UNC5D: variants seen among roughly 807,000 people sequenced by gnomAD.
UNC5D encodes netrin receptor UNC5D.
In UNC5D, 39 loss-of-function variants were observed where a neutral mutation model predicts 105.4. The observed-to-expected ratio is 0.37, with a 90% CI of 0.29 to 0.48. The LOEUF is 0.48. Ranked by LOEUF, UNC5D falls within the 20% of genes least tolerant of loss-of-function variation. The pLI, the probability that UNC5D is intolerant of heterozygous loss-of-function variation, is 0.98. For missense variants in UNC5D, 991 were observed against 1,202.4 expected (o/e 0.82, Z 2.60); for synonymous variants, 452 against 450.4 (o/e 1.00, Z -0.04).
chr8:35,669,343 G>A (rs768800625), intron 4 of UNC5D, among the ~76,000 whole-genome samples: 27 of 151,968 alleles, frequency 1.8e-4, no homozygotes, highest in Admixed American at 3.9e-4. Flanking sequence ...TGCTCTTTGT[G>A]TATTAGGGAC....
intron 1 of UNC5D, among the ~76,000 whole-genome samples, chr8:35,454,510 C>A (rs1311216033): frequency 1.3e-5 from 2 of 152,140 alleles, no homozygotes; most frequent in African/African-American, 2.4e-5. Flanking sequence ...AGGAGAACAA[C>A]CCTCATCAGC....
chr8:35,713,320 A>G (rs1451416277), intron 8 of UNC5D, among the ~76,000 whole-genome samples: 1 of 152,180 alleles, frequency 6.6e-6, no homozygotes. Context: ...AAAAATCTGT[A>G]GAGTTTATAT....
At chr8:35,450,071 C>T (rs1808046814) in intron 1 of UNC5D, among the ~76,000 whole-genome samples, 1 of 152,154 alleles carries the variant, frequency 6.6e-6, no homozygotes, top group South Asian at 2.1e-4. Context: ...TATTCAGTGA[C>T]ACATGTTTGT....
intron 1 of UNC5D, among the ~76,000 whole-genome samples, chr8:35,319,664 A>G (rs1413865284): frequency 2.0e-5 from 3 of 152,154 alleles, no homozygotes; most frequent in Non-Finnish European, 2.9e-5. Context: ...CCAGAAAGGA[A>G]TAAGACTGTA....
At chr8:35,422,775 C>A (rs1243091552) in intron 1 of UNC5D, among the ~76,000 whole-genome samples, 1 of 152,168 alleles carries the variant, frequency 6.6e-6, no homozygotes, top group African/African-American at 2.4e-5. Context: ...ATTTACACAA[C>A]AACCATGTGA....
intron 11 of UNC5D, among the ~76,000 whole-genome samples, chr8:35,737,453 A>G (rs1829534809): frequency 6.6e-6 from 1 of 152,070 alleles, no homozygotes; most frequent in South Asian, 2.1e-4. Flanking sequence ...TTTCCAGGGA[A>G]TAAACATAGC....
At chr8:35,750,132 A>C (rs889357982) in intron 12 of UNC5D, among the ~76,000 whole-genome samples, 1 of 151,992 alleles carries the variant, frequency 6.6e-6, no homozygotes, top group Non-Finnish European at 1.5e-5. Flanking sequence ...GAACATAACC[A>C]TTTCTTGAGT....
At chr8:35,689,995 A>G (rs1826276102) in intron 7 of UNC5D, among the ~76,000 whole-genome samples, 1 of 152,208 alleles carries the variant, frequency 6.6e-6, no homozygotes, top group African/African-American at 2.4e-5. Context: ...ATAGGCTTGG[A>G]ATGTGTAAAA....
At chr8:35,333,466 C>G (rs888988070) in intron 1 of UNC5D, among the ~76,000 whole-genome samples, 2 of 151,784 alleles carry the variant, frequency 1.3e-5, no homozygotes, top group African/African-American at 4.8e-5. Flanking sequence ...TTGTACAATC[C>G]TTAGGTTTCT....
intron 1 of UNC5D, among the ~76,000 whole-genome samples, chr8:35,493,289 A>G (rs1465146441): frequency 6.6e-6 from 1 of 150,596 alleles, no homozygotes; most frequent in Non-Finnish European, 1.5e-5. Context: ...ACCAAAAAAA[A>G]AAAAAAAAAA....
At chr8:35,331,316 T>C (rs916974212) in intron 1 of UNC5D, among the ~76,000 whole-genome samples, 1 of 152,202 alleles carries the variant, frequency 6.6e-6, no homozygotes, top group Non-Finnish European at 1.5e-5. Flanking sequence ...CTCATAGTTA[T>C]AGACCCCTGA....
chr8:35,676,941 A>G (rs1825273907), intron 4 of UNC5D, among the ~76,000 whole-genome samples: 1 of 152,012 alleles, frequency 6.6e-6, no homozygotes, highest in Admixed American at 6.5e-5. Flanking sequence ...TTTGTAATAT[A>G]CGGGCCATCA....
chr8:35,415,683 C>A (rs879737648), intron 1 of UNC5D, among the ~76,000 whole-genome samples: 51 of 152,220 alleles, frequency 3.4e-4, no homozygotes, highest in Non-Finnish European at 4.9e-4. Flanking sequence ...CCAGCTGTTC[C>A]CACTACTTTC....
At chr8:35,328,192 C>A (rs1474527745) in intron 1 of UNC5D, among the ~76,000 whole-genome samples, 2 of 150,634 alleles carry the variant, frequency 1.3e-5, no homozygotes, top group Middle Eastern at 3.2e-3. Flanking sequence ...ATAAAAGATA[C>A]CCTAGAAATG....
At position 35,790,489 on chromosome 8, in the gene UNC5D, A is replaced by G; in HGVS notation, c.2788A>G (p.Thr930Ala). ...CALEEIGRTH[T>A]KLSNISESQL... ...CCTTGAAGAGATTGGGAGGACACAC[A>G]CGAAACTCTCAAACATTTCAGAATC... Residue 930 changes from threonine to alanine, a missense_variant, in exon 17 of 17, where the codon ACG becomes GCG. Physicochemically the swap from Thr to Ala is moderately conservative, Grantham distance 58. This residue lies in a region of UNC5D where 45 missense variants were observed against 54.5 expected (regional missense o/e 0.83). Coordinates refer to ENST00000404895, the MANE Select transcript of UNC5D (RefSeq NM_080872.4). 6.2e-7 allele frequency: 1 copy of G among 1,613,930 alleles called. No homozygotes were observed. The highest frequency in any genetic ancestry group is 8.5e-7 in the Non-Finnish European group (1 of 1,179,870).
At chr8:35,751,759 A>C (rs1830290853) in intron 13 of UNC5D, among the ~76,000 whole-genome samples, 1 of 152,234 alleles carries the variant, frequency 6.6e-6, no homozygotes, top group Non-Finnish European at 1.5e-5. Flanking sequence ...GAAGGGCTAA[A>C]CTAACGCATG....
At chr8:35,512,491 T>TATATATATATATATATAG (rs1812792453) in intron 1 of UNC5D, among the ~76,000 whole-genome samples, 6 of 115,696 alleles carry the variant, frequency 5.2e-5, no homozygotes, top group Non-Finnish European at 1.1e-4. Context: ...TATATATATA[T>TATATATATATATATATAG]ATATATATAT....
intron 11 of UNC5D, among the ~76,000 whole-genome samples, chr8:35,746,346 G>A (rs1208562166): frequency 6.6e-6 from 1 of 152,124 alleles, no homozygotes; most frequent in African/African-American, 2.4e-5. Context: ...GCAGAAAAGG[G>A]CATATTGTTA....
chr8:35,665,281 C>T (rs1824353469), intron 4 of UNC5D, among the ~76,000 whole-genome samples: 1 of 152,174 alleles, frequency 6.6e-6, no homozygotes, highest in Non-Finnish European at 1.5e-5. Flanking sequence ...CTCAAACCCC[C>T]AGTGTTACCT....
Sources: gnomAD v4.1 joint callset for allele counts (sites outside exome capture counted in the v4.1 genomes callset) on GRCh38, gnomAD v4.1.1 for gene constraint, gnomAD v4.1.1 regional missense constraint, MANE v1.5 for transcripts, NCBI Gene and HGNC (gene_info 2026-07-23, HGNC 2026-07-21) for gene names.